The following VWA8 variants were observed in gnomAD, a reference collection of about 807,000 sequenced individuals.
The protein encoded by VWA8 is von Willebrand factor A domain-containing protein 8.
VWA8 carries 221 observed loss-of-function variants against 241.5 expected under a neutral mutation model. The observed-to-expected ratio is 0.91, with a 90% CI of 0.82 to 1.02. The LOEUF is 1.02. VWA8 is among the 50% of genes least tolerant of loss of function. The pLI is 0.00. For synonymous variants in VWA8, 852 were observed against 827.1 expected (o/e 1.03, Z -0.52); for missense variants, 2,322 against 2,328.7 (o/e 1.00, Z 0.06).
intron 37 of VWA8, among the ~76,000 whole-genome samples, chr13:41,654,936 G>T (rs1409969084): frequency 1.3e-5 from 2 of 152,070 alleles, no homozygotes; most frequent in East Asian, 3.9e-4. Flanking sequence ...ATCTGCAATT[G>T]CTTCCTTTTT....
chr13:41,668,747 G>C (rs1308301240), intron 37 of VWA8, among the ~76,000 whole-genome samples: 1 of 152,134 alleles, frequency 6.6e-6, no homozygotes, highest in Non-Finnish European at 1.5e-5. Flanking sequence ...AGATTATTAA[G>C]ACAATTAGTC....
intron 14 of VWA8, among the ~76,000 whole-genome samples, chr13:41,823,395 G>A (rs576781045): frequency 1.3e-5 from 2 of 152,240 alleles, no homozygotes; most frequent in East Asian, 3.9e-4. Context: ...GTACATCTAA[G>A]ACTAGGCCAC....
chr13:41,699,235 T>G lies in VWA8; in HGVS notation c.3400A>C (p.Asn1134His). 1 of 1,614,192 alleles carries G rather than the reference T, an allele frequency of 6.2e-7. No individual in the cohort carries two copies. The highest frequency in any genetic ancestry group is 1.7e-4 in the Middle Eastern group (1 of 6,060). Residue 1134 changes from asparagine to histidine, a missense_variant, in exon 29 of 45, where the codon AAT becomes CAT. Transcript: ENST00000379310. Reference protein sequence around the residue: ...EQNTLYVVTCNPASLYFMNMT... With the variant: ...EQNTLYVVTCHPASLYFMNMT... ...TTCATAAAGTACAGGGAAGCGGGAT[T>G]GCATGTAACTACATAGAGAGTATTT...
At chr13:41,655,536 A>G (rs2044898624) in intron 37 of VWA8, among the ~76,000 whole-genome samples, 2 of 152,150 alleles carry the variant, frequency 1.3e-5, no homozygotes, top group South Asian at 4.1e-4. Context: ...AGGTTTTAAC[A>G]ATGTAATTAT....
chr13:41,598,337 A>G (rs2044501142), intron 40 of VWA8, among the ~76,000 whole-genome samples: 1 of 152,056 alleles, frequency 6.6e-6, no homozygotes, highest in South Asian at 2.1e-4. Context: ...TTTAAAACTA[A>G]TATGAGAATT....
chr13:41,953,873 T>C (rs542653661), intron 1 of VWA8, among the ~76,000 whole-genome samples: 1 of 152,220 alleles, frequency 6.6e-6, no homozygotes, highest in African/African-American at 2.4e-5. Flanking sequence ...CTTACCACAG[T>C]GGAATTAAAC....
chr13:41,781,415 A>G (rs943145226), intron 19 of VWA8, among the ~76,000 whole-genome samples: 1 of 152,092 alleles, frequency 6.6e-6, no homozygotes, highest in Non-Finnish European at 1.5e-5. Context: ...GATCATTCCA[A>G]TCTGGGTCAA....
intron 19 of VWA8, among the ~76,000 whole-genome samples, chr13:41,782,397 A>T (rs1384112560): frequency 6.6e-6 from 1 of 152,160 alleles, no homozygotes; most frequent in African/African-American, 2.4e-5. Flanking sequence ...CCTTTCCACT[A>T]TATGAATAGA....
intron 37 of VWA8, among the ~76,000 whole-genome samples, chr13:41,664,388 G>GAT (rs935290319): frequency 2.9e-5 from 3 of 104,628 alleles, no homozygotes; most frequent in Non-Finnish European, 5.9e-5. Context: ...GACATGCTTT[G>GAT]ATGTGTGTGT....
intron 37 of VWA8, among the ~76,000 whole-genome samples, chr13:41,645,208 ATATGCATTATCTATC>A (rs1285924015): frequency 1.3e-5 from 2 of 152,238 alleles, no homozygotes; most frequent in Non-Finnish European, 2.9e-5. Context: ...ACTAAATGCA[ATATGCATTATCTATC>A]ATTACTATTA....
At chr13:41,758,407 T>TG (rs200116431) in intron 21 of VWA8, among the ~76,000 whole-genome samples, 2 of 79,908 alleles carry the variant, frequency 2.5e-5, no homozygotes, top group Non-Finnish European at 5.6e-5. Flanking sequence ...AGTATATATA[T>TG]ATATATATAT....
intron 12 of VWA8, among the ~76,000 whole-genome samples, chr13:41,851,431 C>T (rs1159870092): frequency 1.3e-5 from 2 of 152,146 alleles, no homozygotes; most frequent in East Asian, 3.8e-4. Context: ...GCTATGTGCC[C>T]TTCAAATCTC....
intron 17 of VWA8, among the ~76,000 whole-genome samples, chr13:41,796,111 T>C (rs1869689078): frequency 6.6e-6 from 1 of 152,206 alleles, no homozygotes; most frequent in Admixed American, 6.5e-5. Context: ...AATATTTTAC[T>C]CAGAATGTTT....
chr13:41,959,145 G>A (rs1878474040), intron 1 of VWA8, among the ~76,000 whole-genome samples: 3 of 152,044 alleles, frequency 2.0e-5, no homozygotes, highest in South Asian at 4.1e-4. Flanking sequence ...TACATACTAA[G>A]AATAAAAAAG....
At chr13:41,795,616 A>G (rs1869658244) in intron 17 of VWA8, among the ~76,000 whole-genome samples, 2 of 152,256 alleles carry the variant, frequency 1.3e-5, no homozygotes, top group Non-Finnish European at 1.5e-5. Context: ...CTATGTAGCC[A>G]TAAAGGAATG....
In VWA8 at chr13:41,685,141, T is replaced by C. The variant is rs201164882; in HGVS notation, c.4233A>G (p.Pro1411=). The C allele has an allele frequency of 1.5e-5, 24 of 1,613,664 alleles. No homozygotes were observed. In the East Asian group the frequency reaches 5.3e-4, roughly 36 times the overall value. ...AAAGAGTCACACAATTGCTTTGTTT[T>C]GGAGTCCCCCTTTTCTTCTTTCCTC... is the stretch of plus-strand genomic sequence containing the variant. ...FYRGKKKRGT[P]KQSNCVTLLD... Residue 1411 remains proline, a synonymous_variant, in exon 35 of 45, where the codon CCA becomes CCG. Transcript: ENST00000379310.
intron 18 of VWA8, among the ~76,000 whole-genome samples, chr13:41,784,729 T>TATATACACACAC (rs772522331): frequency 1.7e-5 from 1 of 60,080 alleles, no homozygotes; most frequent in African/African-American, 5.6e-5. Context: ...TATATATATA[T>TATATACACACAC]ACACACACAT....
intron 21 of VWA8, among the ~76,000 whole-genome samples, chr13:41,733,893 A>G (rs1464020172): frequency 1.3e-5 from 2 of 152,220 alleles, no homozygotes; most frequent in Non-Finnish European, 2.9e-5. Context: ...TATATGAAAA[A>G]GTAAAAGTCA....
At chr13:41,853,494 G>A (rs1420201000) in intron 12 of VWA8, among the ~76,000 whole-genome samples, 2 of 152,032 alleles carry the variant, frequency 1.3e-5, no homozygotes, top group African/African-American at 4.8e-5. Flanking sequence ...CACAGGTTAA[G>A]CCATCACATA....
Sources: gnomAD v4.1 joint callset for allele counts (sites outside exome capture counted in the v4.1 genomes callset) on GRCh38, gnomAD v4.1.1 for gene constraint, MANE v1.5 for transcripts, NCBI Gene and HGNC (gene_info 2026-07-23, HGNC 2026-07-21) for gene names.